CNTN6: variants seen among roughly 807,000 people sequenced by gnomAD.
CNTN6 encodes the protein contactin 6, also known as contactin-6.
CNTN6 carries 137 observed loss-of-function variants against 122.8 expected under a neutral mutation model. That is an observed-to-expected ratio of 1.12 (90% confidence interval 0.97 to 1.29). The LOEUF is 1.29. Among genes scored for constraint, CNTN6 ranks in the 50% most tolerant of loss-of-function variants. CNTN6 has a pLI of 0.00. For missense variants in CNTN6, 1,634 were observed against 1,223.4 expected, an observed-to-expected ratio of 1.34 and a Z score of -5.01; for synonymous variants, 570 against 426.0, an observed-to-expected ratio of 1.34 and a Z score of -4.16.
At position 1,102,300 on chromosome 3, in the gene CNTN6, G is replaced by C. The variant is rs142040199; in HGVS notation, c.-83+9180G>C. ...GGAGTGCAATATACTTGCTGGAATA[G>C]AGCTTTTAGTGAAAGAACATGATTT... On this transcript the variant is annotated intron_variant, in intron 1 of 22. Coordinates refer to ENST00000446702, the MANE Select transcript of CNTN6 (RefSeq NM_001289080.2). Among the ~76,000 whole-genome samples the C allele has an allele frequency of 2.2e-3, 339 of 152,294 alleles. 2 individuals carry two copies. Among genetic ancestry groups the C allele is most frequent in the African/African-American group, 7.9e-3 (328 of 41,558 alleles).
intron 4 of CNTN6, among the ~76,000 whole-genome samples, chr3:1,270,972 C>T (rs192089886): frequency 3.9e-5 from 6 of 152,200 alleles, no homozygotes; most frequent in Admixed American, 2.6e-4. Flanking sequence ...TGCAGTTGTG[C>T]GATCTTGGCT....
At chr3:1,115,454 A>C (rs2125037887) in intron 1 of CNTN6, among the ~76,000 whole-genome samples, 1 of 152,338 alleles carries the variant, frequency 6.6e-6, no homozygotes, top group African/African-American at 2.4e-5. Flanking sequence ...GGAAGCTTAA[A>C]CAATAAACAA....
chr3:1,298,090 A>G, intron 7 of CNTN6, 99 bp downstream of exon 7: 1 of 789,426 alleles, frequency 1.3e-6, no homozygotes, highest in Non-Finnish European at 2.0e-6. Context: ...GTAAATTACC[A>G]AGTAGATTTC....
At chr3:1,248,899 C>G (rs576787328) in intron 4 of CNTN6, among the ~76,000 whole-genome samples, 1 of 152,232 alleles carries the variant, frequency 6.6e-6, no homozygotes, top group Non-Finnish European at 1.5e-5. Flanking sequence ...GGATTTGATG[C>G]CAGACATTCT....
At chr3:1,098,351 A>G (rs959011906) in intron 1 of CNTN6, among the ~76,000 whole-genome samples, 1 of 152,186 alleles carries the variant, frequency 6.6e-6, no homozygotes. Flanking sequence ...TCTTTCTTCA[A>G]AGAAAAACAT....
intron 1 of CNTN6, among the ~76,000 whole-genome samples, chr3:1,103,129 G>A (rs1472127571): frequency 1.3e-5 from 2 of 152,070 alleles, no homozygotes; most frequent in African/African-American, 4.8e-5. Context: ...AAAAAAAAAA[G>A]AAAGTCCTTA....
At chr3:1,299,632 T>C (rs1054104277) in intron 7 of CNTN6, among the ~76,000 whole-genome samples, 2 of 152,192 alleles carry the variant, frequency 1.3e-5, no homozygotes, top group Non-Finnish European at 1.5e-5. Flanking sequence ...AGAAGTAACC[T>C]GTTCAATCTT....
intron 1 of CNTN6, among the ~76,000 whole-genome samples, chr3:1,110,290 C>A (rs2091419802): frequency 6.6e-6 from 1 of 152,068 alleles, no homozygotes; most frequent in African/African-American, 2.4e-5. Flanking sequence ...TCCAACTCTG[C>A]TAAACAATGG....
intron 20 of CNTN6, among the ~76,000 whole-genome samples, chr3:1,388,746 T>G (rs1693596827): frequency 6.7e-6 from 1 of 148,272 alleles, no homozygotes; most frequent in East Asian, 2.0e-4. Flanking sequence ...AAACCAAGGC[T>G]CGAGAACTAC....
chr3:1,345,389 T>C (rs1468203291), intron 11 of CNTN6, among the ~76,000 whole-genome samples: 9 of 152,154 alleles, frequency 5.9e-5, no homozygotes, highest in African/African-American at 2.2e-4. Context: ...GTGCTGGGAT[T>C]ACAGGCATGA....
At chr3:1,398,007 G>A (rs375213621) in intron 20 of CNTN6, among the ~76,000 whole-genome samples, 2 of 152,028 alleles carry the variant, frequency 1.3e-5, no homozygotes, top group African/African-American at 2.4e-5. Flanking sequence ...GTTTAATGTT[G>A]CTCTGTCATT....
At chr3:1,206,078 C>G (rs2093954022) in intron 2 of CNTN6, among the ~76,000 whole-genome samples, 1 of 152,140 alleles carries the variant, frequency 6.6e-6, no homozygotes, top group South Asian at 2.1e-4. Flanking sequence ...AATCTGCAAT[C>G]TGCAAGAGTA....
chr3:1,315,142 T>C (rs529136641), intron 7 of CNTN6, among the ~76,000 whole-genome samples: 44 of 152,150 alleles, frequency 2.9e-4, no homozygotes, highest in Middle Eastern at 6.8e-3. Flanking sequence ...GATTTAACGA[T>C]AATCTCCATT....
chr3:1,298,253 A>C (rs903921478), intron 7 of CNTN6: 1 of 347,928 alleles, frequency 2.9e-6, no homozygotes, highest in African/African-American at 2.1e-5. Flanking sequence ...AATGAGACCC[A>C]TTTAGGCAGC....
At position 1,383,192 on chromosome 3, in the gene CNTN6, C is replaced by G; in HGVS notation, c.2401+16C>G. ...GGGGAAGATGGTAAGTTGTCCTCAA[C>G]TCTGGTTTTCTTTGAGACTCTATGC... On this transcript the variant is annotated intron_variant, in intron 18 of 22. Transcript: ENST00000446702. The G allele has an allele frequency of 1.2e-6, 2 of 1,606,768 alleles. No individual in the cohort carries two copies. Among genetic ancestry groups the G allele is most frequent in the Non-Finnish European group, 1.7e-6 (2 of 1,173,596 alleles).
chr3:1,287,965 A>G (rs1425262289), intron 5 of CNTN6, among the ~76,000 whole-genome samples: 1 of 151,668 alleles, frequency 6.6e-6, no homozygotes, highest in East Asian at 1.9e-4. Context: ...TTATTCCTCT[A>G]CTTTCCTCAT....
At chr3:1,297,342 C>A (rs575949654) in intron 6 of CNTN6, among the ~76,000 whole-genome samples, 28 of 152,110 alleles carry the variant, frequency 1.8e-4, no homozygotes, top group Non-Finnish European at 3.4e-4. Flanking sequence ...ATTTCTGTTA[C>A]AACTCCTCTG....
chr3:1,365,336 T>C (rs1239627034), intron 12 of CNTN6, among the ~76,000 whole-genome samples: 1 of 152,026 alleles, frequency 6.6e-6, no homozygotes, highest in Admixed American at 6.6e-5. Flanking sequence ...ATAAAACCAG[T>C]TTTCTTATGG....
chr3:1,237,398 C>T (rs554688819), intron 4 of CNTN6, among the ~76,000 whole-genome samples: 1 of 152,098 alleles, frequency 6.6e-6, no homozygotes, highest in Admixed American at 6.5e-5. Flanking sequence ...AAGTTTGAGA[C>T]TACATTAAAT....
Sources: allele counts gnomAD v4.1 joint callset (sites outside exome capture counted in the v4.1 genomes callset), GRCh38; gene constraint gnomAD v4.1.1; transcripts MANE v1.5; gene names NCBI Gene and HGNC (gene_info 2026-07-23, HGNC 2026-07-21).